Variants in NFX1 observed in about 807,000 individuals in gnomAD.
NFX1 encodes nuclear transcription factor, X-box binding 1, also known as transcriptional repressor NF-X1.
NFX1 carries 69 observed loss-of-function variants against 137.2 expected under a neutral mutation model. The ratio of observed to expected loss-of-function variants is 0.50; its 90% CI spans 0.41 to 0.61. The LOEUF is 0.61. NFX1 is among the 20% of genes least tolerant of loss of function. The pLI is 0.00. For synonymous variants in NFX1, 495 were observed against 474.1 expected (o/e 1.04, Z -0.57); for missense variants, 1,167 against 1,391.0 (o/e 0.84, Z 2.56).
At position 33,344,434 on chromosome 9, in the gene NFX1, C is replaced by G. The variant is rs774259888; in HGVS notation, c.2344+246C>G. On this transcript the variant is annotated intron_variant, in intron 14 of 23. Transcript: ENST00000379540. ...AACGTTGGAAGACTCCCCAGCTGAT[C>G]TTATCTCTCAAGAACTTTTCTTTCT... Among the ~76,000 whole-genome samples the G allele has an allele frequency of 3.9e-5, 6 of 152,206 alleles. No individual in the cohort carries two copies. The East Asian group carries it at 5.8e-4, about 15-fold the overall frequency.
intron 19 of NFX1, among the ~76,000 whole-genome samples, chr9:33,358,357 C>A (rs2118666796): frequency 6.6e-6 from 1 of 152,206 alleles, no homozygotes; most frequent in South Asian, 2.1e-4. Flanking sequence ...ATCTCCTGAC[C>A]TTATGATCTG....
chr9:33,361,316 T>C (rs1304592381), intron 19 of NFX1, among the ~76,000 whole-genome samples: 2 of 152,160 alleles, frequency 1.3e-5, no homozygotes, highest in East Asian at 3.8e-4. Context: ...TTTTTAAAAT[T>C]TTTTTATTAA....
chr9:33,317,348 G>A (rs754581703), intron 7 of NFX1, among the ~76,000 whole-genome samples: 4 of 147,406 alleles, frequency 2.7e-5, no homozygotes, highest in African/African-American at 7.5e-5. Context: ...GAGCCCGGGA[G>A]TTTGAGGCTG....
At chr9:33,307,348 C>A in intron 5 of NFX1, 49 bp downstream of exon 5, 1 of 1,498,630 alleles carries the variant, frequency 6.7e-7, no homozygotes, top group African/African-American at 1.4e-5. Context: ...ACATGCTTTG[C>A]TGGTGGCTCT....
chr9:33,338,573 A>G lies in NFX1; in HGVS notation c.2099A>G (p.Asn700Ser), dbSNP rs890811281. The G allele has an allele frequency of 1.2e-6, 2 of 1,600,750 alleles. No individual in the cohort carries two copies. The highest frequency in any genetic ancestry group is 8.5e-7 in the Non-Finnish European group (1 of 1,176,168). Residue 700 changes from asparagine (N) to serine (S), a missense_variant, in exon 12 of 24, where the codon AAT becomes AGT. By Grantham distance (46) the Asn-to-Ser change is conservative (BLOSUM62 1). Transcript: ENST00000379540. ...KKRLCGRHKC[N>S]EICCVDKEHK... The stretch of plus-strand genomic sequence containing the variant: ...CGGTTGTGTGGACGGCATAAATGTA[A>G]TGAGATATGCTGTGTGGTAAGTGGA...
intron 17 of NFX1, 45 bp downstream of exon 17, chr9:33,352,764 A>G (rs1259969110): frequency 3.4e-6 from 5 of 1,490,992 alleles, no homozygotes; most frequent in Non-Finnish European, 4.7e-6. Flanking sequence ...TAGGTGAAAC[A>G]GATACATGTG....
At chr9:33,356,991 CAAAAA>C (rs371390697) in intron 19 of NFX1, among the ~76,000 whole-genome samples, 2 of 102,640 alleles carry the variant, frequency 1.9e-5, no homozygotes, top group South Asian at 3.2e-4. Context: ...AATGCTGTCT[CAAAAA>C]AAAAAAAAAA....
chr9:33,324,940 A>G (rs909752803), intron 9 of NFX1, among the ~76,000 whole-genome samples: 57 of 152,016 alleles, frequency 3.7e-4, no homozygotes, highest in African/African-American at 1.3e-3. Flanking sequence ...AAAAAAAAAA[A>G]AAAGAAAGAG....
At chr9:33,333,893 C>T (rs1009550502) in intron 11 of NFX1, among the ~76,000 whole-genome samples, 1 of 152,180 alleles carries the variant, frequency 6.6e-6, no homozygotes, top group African/African-American at 2.4e-5. Flanking sequence ...GCCTGTAATC[C>T]CAGCACTTTG....
intron 1 of NFX1, among the ~76,000 whole-genome samples, chr9:33,293,526 G>A (rs1038438341): frequency 2.0e-5 from 3 of 152,226 alleles, no homozygotes; most frequent in Non-Finnish European, 2.9e-5. Flanking sequence ...ATGGGGCTAA[G>A]TAACTTTCCT....
intron 4 of NFX1, 95 bp downstream of exon 4, chr9:33,303,363 T>A: frequency 1.0e-6 from 1 of 1,000,900 alleles, no homozygotes; most frequent in Non-Finnish European, 1.6e-6. Flanking sequence ...TAGAAGTTAC[T>A]AATGAGACTT....
At chr9:33,299,829 C>G (rs959854578) in intron 2 of NFX1, among the ~76,000 whole-genome samples, 1 of 152,228 alleles carries the variant, frequency 6.6e-6, no homozygotes, top group Non-Finnish European at 1.5e-5. Context: ...ACTCTCCCTT[C>G]TCCTGAGCTT....
intron 21 of NFX1, among the ~76,000 whole-genome samples, 185 bp from the exon 22 acceptor site, chr9:33,366,444 A>C (rs892113204): frequency 1.3e-5 from 2 of 152,138 alleles, no homozygotes; most frequent in Non-Finnish European, 2.9e-5. Flanking sequence ...AGGTGAAAGA[A>C]GTGCATCAGT....
chr9:33,334,528 A>G (rs1822928747), intron 11 of NFX1, among the ~76,000 whole-genome samples: 1 of 152,236 alleles, frequency 6.6e-6, no homozygotes, highest in South Asian at 2.1e-4. Flanking sequence ...AAGTTTAAAA[A>G]AAAATATGAA....
At chr9:33,293,949 C>G (rs745508041) in intron 1 of NFX1, among the ~76,000 whole-genome samples, 2 of 152,206 alleles carry the variant, frequency 1.3e-5, no homozygotes, top group Non-Finnish European at 2.9e-5. Flanking sequence ...TAAAAGCAGG[C>G]ACGTGATATC....
At chr9:33,355,816 T>G (rs1823792149) in intron 19 of NFX1, among the ~76,000 whole-genome samples, 1 of 152,046 alleles carries the variant, frequency 6.6e-6, no homozygotes, top group Non-Finnish European at 1.5e-5. Flanking sequence ...AGCTGATTTT[T>G]GTATTTTTAG....
chr9:33,346,233 G>A (rs1823416082), intron 14 of NFX1, among the ~76,000 whole-genome samples: 1 of 152,204 alleles, frequency 6.6e-6, no homozygotes, highest in African/African-American at 2.4e-5. Context: ...TTAACCTGCA[G>A]ATGAATTCCA....
chr9:33,338,471 TTGTC>T (rs1823095349), intron 11 of NFX1, 35 bp from the exon 12 acceptor site: 6 of 1,557,072 alleles, frequency 3.9e-6, no homozygotes, highest in Non-Finnish European at 4.4e-6. Flanking sequence ...TTCATATCCT[TTGTC>T]TGGTTTTTTT....
At position 33,319,071 on chromosome 9, in the gene NFX1, A is replaced by G; in HGVS notation, c.1850A>G (p.Asp617Gly). Residue 617 changes from aspartate (D) to glycine (G), a missense_variant, in exon 9 of 24, where the codon GAC becomes GGC. This residue lies in a region of NFX1 where 488 missense variants were observed against 691.5 expected (regional missense o/e 0.71). Transcript: ENST00000379540. Reference protein sequence around the residue: ...LGSSSRKTCMDPVPSCGKVCG... With the variant: ...LGSSSRKTCMGPVPSCGKVCG... ...AGTAGTAGTCGGAAAACATGCATGG[A>G]CCCTGTGCCTTCATGTGGAAAAGTG... The G allele has an allele frequency of 1.2e-6, 2 of 1,614,178 alleles. No homozygotes were observed. The highest frequency in any genetic ancestry group is 1.7e-6 in the Non-Finnish European group (2 of 1,180,032).
Sources: gnomAD v4.1 joint callset for allele counts (sites outside exome capture counted in the v4.1 genomes callset) on GRCh38, gnomAD v4.1.1 for gene constraint, gnomAD v4.1.1 regional missense constraint, MANE v1.5 for transcripts, NCBI Gene and HGNC (gene_info 2026-07-23, HGNC 2026-07-21) for gene names.